FOXP2: variants seen among roughly 807,000 people sequenced by gnomAD.
FOXP2 encodes the protein forkhead box protein P2.
In FOXP2, 12 loss-of-function variants were observed where a neutral mutation model predicts 115.8. That is an observed-to-expected ratio of 0.10 (90% CI 0.07 to 0.17). The LOEUF is 0.17. Among genes scored for constraint, FOXP2 ranks in the 10% least tolerant of loss-of-function variants. The pLI is 1.00. For synonymous variants in FOXP2, 328 were observed against 297.7 expected (o/e 1.10, Z -1.05); for missense variants, 629 against 843.5 (o/e 0.75, Z 3.15).
chr7:114,269,965 A>G (rs1795994180), intron 1 of FOXP2, among the ~76,000 whole-genome samples: 1 of 152,192 alleles, frequency 6.6e-6, no homozygotes, highest in South Asian at 2.1e-4. Flanking sequence ...TTATTGTTCC[A>G]GTGATTTAAC....
intron 1 of FOXP2, among the ~76,000 whole-genome samples, chr7:114,232,147 C>T (rs1311898166): frequency 2.0e-5 from 3 of 151,976 alleles, no homozygotes; most frequent in Admixed American, 1.3e-4. Flanking sequence ...GCAAGTAAAA[C>T]TCACAAAGAA....
intron 3 of FOXP2, among the ~76,000 whole-genome samples, chr7:114,615,945 G>A (rs1584954566): frequency 6.6e-6 from 1 of 152,130 alleles, no homozygotes; most frequent in East Asian, 1.9e-4. Context: ...TATGATCTAA[G>A]ATGATCCTCT....
At chr7:114,125,902 A>T (rs141671844) in intron 1 of FOXP2, among the ~76,000 whole-genome samples, 12 of 152,310 alleles carry the variant, frequency 7.9e-5, no homozygotes, top group African/African-American at 2.2e-4. Flanking sequence ...ATCAAAAGAC[A>T]TTCAGTTCTA....
intron 1 of FOXP2, among the ~76,000 whole-genome samples, chr7:114,153,340 T>C (rs1415039957): frequency 2.6e-5 from 4 of 152,144 alleles, no homozygotes; most frequent in Non-Finnish European, 4.4e-5. Flanking sequence ...AATACTAGAA[T>C]TGATGAACAA....
intron 1 of FOXP2, among the ~76,000 whole-genome samples, chr7:114,140,968 T>C (rs1258348330): frequency 6.6e-6 from 1 of 152,228 alleles, no homozygotes; most frequent in Non-Finnish European, 1.5e-5. Flanking sequence ...AAGCTGGGAT[T>C]ATATAGACAA....
At chr7:114,177,918 C>G (rs1793359499) in intron 1 of FOXP2, among the ~76,000 whole-genome samples, 1 of 151,884 alleles carries the variant, frequency 6.6e-6, no homozygotes, top group African/African-American at 2.4e-5. Context: ...TTCTGTCTAA[C>G]TGAAATTATA....
chr7:114,198,112 T>C (rs1793960395), intron 1 of FOXP2, among the ~76,000 whole-genome samples: 1 of 152,020 alleles, frequency 6.6e-6, no homozygotes, highest in Admixed American at 6.6e-5. Flanking sequence ...GATCCGCCCA[T>C]GTCAGCCTCC....
intron 2 of FOXP2, among the ~76,000 whole-genome samples, chr7:114,473,742 C>T (rs1421508300): frequency 6.6e-6 from 1 of 152,098 alleles, no homozygotes; most frequent in African/African-American, 2.4e-5. Flanking sequence ...GTTTTCTCCC[C>T]ACAGTTCTGA....
At chr7:114,360,373 T>C (rs568202160) in intron 2 of FOXP2, among the ~76,000 whole-genome samples, 57 of 152,240 alleles carry the variant, frequency 3.7e-4, no homozygotes, top group African/African-American at 1.3e-3. Flanking sequence ...TTCTTTTTTT[T>C]CCCAACTTCA....
chr7:114,318,342 T>C (rs1797322734), intron 2 of FOXP2, among the ~76,000 whole-genome samples: 1 of 151,036 alleles, frequency 6.6e-6, no homozygotes, highest in African/African-American at 2.4e-5. Context: ...ACTTCTTCGC[T>C]ACAGTATGTT....
intron 2 of FOXP2, among the ~76,000 whole-genome samples, chr7:114,484,605 C>G (rs6974757): frequency 0.63 from 96,094 of 151,634 alleles, 31,502 homozygotes; most frequent in African/African-American, 0.8. Flanking sequence ...CACATTTCTG[C>G]AAATAAAATG....
intron 1 of FOXP2, among the ~76,000 whole-genome samples, chr7:114,128,261 T>C (rs1450529931): frequency 6.6e-6 from 1 of 152,150 alleles, no homozygotes; most frequent in Non-Finnish European, 1.5e-5. Flanking sequence ...CTGCAACTCT[T>C]AATGGATACA....
chr7:114,449,886 TAA>T (rs1794996560), intron 2 of FOXP2, among the ~76,000 whole-genome samples: 4 of 152,104 alleles, frequency 2.6e-5, no homozygotes. Flanking sequence ...TGAATCCATA[TAA>T]ATGTCATTAT....
In FOXP2 at chr7:114,629,930, A is replaced by ACAG. The variant is rs748324064; in HGVS notation, c.528_530dup (p.Gln191dup). 4 of 1,596,550 alleles carry ACAG rather than the reference A, an allele frequency of 2.5e-6. No homozygotes were observed. The highest frequency in any genetic ancestry group is 1.7e-5 in the Admixed American group (1 of 58,204). On this transcript the variant is annotated inframe_insertion, in exon 5 of 17. Coordinates refer to ENST00000350908, the MANE Select transcript of FOXP2 (RefSeq NM_014491.4). The stretch of plus-strand genomic sequence containing the variant: ...AACAGCAGCAGCAACAACAACAACA[A>ACAG]CAGCAGCAACAACAGCAGCAGCAGC...
chr7:114,365,291 A>G (rs1007051170), intron 2 of FOXP2, among the ~76,000 whole-genome samples: 3 of 152,144 alleles, frequency 2.0e-5, no homozygotes, highest in Admixed American at 6.6e-5. Context: ...GATTTAATAC[A>G]GCAGAACCCT....
chr7:114,318,498 A>G (rs1169819805), intron 2 of FOXP2, among the ~76,000 whole-genome samples: 1 of 151,666 alleles, frequency 6.6e-6, no homozygotes, highest in Non-Finnish European at 1.5e-5. Flanking sequence ...TAGTGAACAA[A>G]ACAAAATCCT....
intron 2 of FOXP2, among the ~76,000 whole-genome samples, chr7:114,295,630 A>C (rs1177855514): frequency 3.9e-5 from 6 of 152,186 alleles, no homozygotes; most frequent in Admixed American, 3.9e-4. Flanking sequence ...TCTGCCAGAG[A>C]ACAGAGGACT....
At chr7:114,600,759 C>G (rs1458046787) in intron 3 of FOXP2, among the ~76,000 whole-genome samples, 1 of 152,106 alleles carries the variant, frequency 6.6e-6, no homozygotes, top group Non-Finnish European at 1.5e-5. Context: ...AGATATTGAA[C>G]ATAATTTCAT....
chr7:114,258,599 A>G (rs753182908), intron 1 of FOXP2, among the ~76,000 whole-genome samples: 2 of 152,208 alleles, frequency 1.3e-5, no homozygotes, highest in African/African-American at 4.8e-5. Context: ...AAAAAACACT[A>G]TCAGTAATTT....
Sources: allele counts gnomAD v4.1 joint callset (sites outside exome capture counted in the v4.1 genomes callset), GRCh38; gene constraint gnomAD v4.1.1; transcripts MANE v1.5; gene names NCBI Gene and HGNC (gene_info 2026-07-23, HGNC 2026-07-21).